Variants in AADACL2 observed in about 807,000 individuals in gnomAD.
The protein encoded by AADACL2 is arylacetamide deacetylase like 2.
Under a neutral mutation model 22.3 loss-of-function variants are expected in AADACL2, and 23 were observed. The observed-to-expected ratio is 1.03, with a 90% CI of 0.74 to 1.46. AADACL2 has a LOEUF of 1.46. AADACL2 is among the 40% of genes most tolerant of loss of function. AADACL2 has a pLI of 0.00. For synonymous variants in AADACL2, 177 were observed against 166.2 expected (o/e 1.07, Z -0.50); for missense variants, 472 against 482.9 (o/e 0.98, Z 0.21).
At chr3:151,748,534 T>A (rs1390768358) in intron 4 of AADACL2, among the ~76,000 whole-genome samples, 2 of 152,174 alleles carry the variant, frequency 1.3e-5, no homozygotes, top group Non-Finnish European at 2.9e-5. Flanking sequence ...GGAGGGTGGA[T>A]CCTTCGTGAA....
At chr3:151,747,683 C>T (rs958047051) in intron 4 of AADACL2, among the ~76,000 whole-genome samples, 3 of 151,114 alleles carry the variant, frequency 2.0e-5, no homozygotes, top group African/African-American at 4.9e-5. Flanking sequence ...TCCATTTATC[C>T]GGCTGACAAA....
At position 151,745,552 on chromosome 3, in the gene AADACL2, G is replaced by A. The variant is rs1262603861; in HGVS notation, c.475G>A (p.Asp159Asn). The A allele has an allele frequency of 1.2e-6, 2 of 1,613,888 alleles. No homozygotes were observed. Among genetic ancestry groups the A allele is most frequent in the South Asian group, 2.2e-5 (2 of 91,042 alleles). Reference protein sequence around the residue: ...PQHHFPAQFEDGLAAVKFFLL... With the variant: ...PQHHFPAQFENGLAAVKFFLL... ...ACACCACTTTCCTGCTCAGTTTGAA[G>A]ATGGCCTTGCTGCAGTCAAATTTTT... The change falls in exon 4 of 5, where the codon GAT (aspartate) becomes AAT (asparagine). Residue 159 changes from aspartate to asparagine, a missense_variant. Around this residue, in one of 3 missense-constraint regions of AADACL2, gnomAD observed 356 missense variants for 365.5 expected, o/e 0.97. Transcript: ENST00000356517.
At chr3:151,744,873 A>G (rs1713387808) in intron 3 of AADACL2, among the ~76,000 whole-genome samples, 1 of 152,146 alleles carries the variant, frequency 6.6e-6, no homozygotes, top group Non-Finnish European at 1.5e-5. Context: ...TTCCTGTCTT[A>G]CTGTTCTACA....
rs1421790987 is a variant in AADACL2, at chr3:151,734,014, A to G, written c.-22A>G. On this transcript the variant is annotated 5_prime_UTR_variant, in exon 1 of 5. Coordinates refer to ENST00000356517, the MANE Select transcript of AADACL2 (RefSeq NM_207365.4). ...AAAAATTTTAATCTCAGTACTGTGAAGAAGCTGGAAAAAGGGATATTATGG... is the reference window on the plus strand; with the variant it reads ...AAAAATTTTAATCTCAGTACTGTGAGGAAGCTGGAAAAAGGGATATTATGG... 6.3e-7 allele frequency: 1 copy of G among 1,588,030 alleles called. No individual in the cohort carries two copies. Among genetic ancestry groups the G allele is most frequent in the African/African-American group, 1.3e-5 (1 of 74,106 alleles).
rs116295447 is a variant in AADACL2 at position 151,740,051 on chromosome 3, T to A, written c.139-595T>A. ...GTCTCACTGGAGTTCCAAGCACCACTGGGGTACAAAAGAAACTCCTGCAGC... is the reference window on the plus strand; with the variant it reads ...GTCTCACTGGAGTTCCAAGCACCACAGGGGTACAAAAGAAACTCCTGCAGC... On this transcript the variant is annotated intron_variant, in intron 1 of 4. Coordinates refer to ENST00000356517, the MANE Select transcript of AADACL2 (RefSeq NM_207365.4). 5.0e-3 allele frequency among the ~76,000 whole-genome samples: 762 copies of A among 152,290 alleles called. 4 individuals are homozygous for A. Among genetic ancestry groups the A allele is most frequent in the African/African-American group, 0.018 (740 of 41,556 alleles).
rs1271313941 is a variant in AADACL2 at position 151,742,680 on chromosome 3, G to A, written c.362-1413G>A. Among the ~76,000 whole-genome samples, 19 of 152,082 alleles carry A rather than the reference G, an allele frequency of 1.2e-4. 1 individual carries two copies. Among genetic ancestry groups the A allele is most frequent in the Admixed American group, 1.2e-3 (19 of 15,260 alleles). On this transcript the variant is annotated intron_variant, in intron 2 of 4. Transcript: ENST00000356517. ...GGTCACACATCACTTTGTTCCCAGA[G>A]AAGGCAGCTCCAAACATCCTGTTTG...
In AADACL2 at chr3:151,760,662, G is replaced by A. The variant is rs1229139833; in HGVS notation, c.*3068G>A. ...CGCCACATCCTAAAGGAAATTTCTA[G>A]GTTTTTCTGCTGAAATATCCATTCC... On this transcript the variant is annotated 3_prime_UTR_variant, in exon 5 of 5. Coordinates refer to ENST00000356517, the MANE Select transcript of AADACL2 (RefSeq NM_207365.4). 6.6e-6 allele frequency: 1 copy of A among 152,224 alleles called. No individual in the cohort carries two copies. Among genetic ancestry groups the A allele is most frequent in the Non-Finnish European group, 1.5e-5 (1 of 68,002 alleles). The allele number at this position is 152,224 out of a possible 1,614,324, so 9.4% of individuals were successfully genotyped here. A position where few individuals can be genotyped will look rare whatever the true frequency, so the allele number is the denominator to read the frequency against.
At position 151,758,325 on chromosome 3, in the gene AADACL2, T is replaced by C. The variant is rs1472971199; in HGVS notation, c.*731T>C. 1 of 151,944 alleles carries C rather than the reference T, an allele frequency of 6.6e-6. No homozygotes were observed. The highest frequency in any genetic ancestry group is 1.5e-5 in the Non-Finnish European group (1 of 68,076). 9.4% of individuals were successfully genotyped at this position (151,944 alleles called of 1,614,324 possible). On this transcript the variant is annotated 3_prime_UTR_variant, in exon 5 of 5. Coordinates refer to ENST00000356517, the MANE Select transcript of AADACL2 (RefSeq NM_207365.4). ...TGCCTTCTTCTCTGCCTGTGTCTAA[T>C]CTCCCTATGGGCTTCTCTTAGAAAA...
chr3:151,738,935 T>C (rs1025804578), intron 1 of AADACL2, among the ~76,000 whole-genome samples: 1 of 152,196 alleles, frequency 6.6e-6, no homozygotes, highest in Non-Finnish European at 1.5e-5. Context: ...TGCATTGGGG[T>C]AGAACATGCT....
chr3:151,745,389 CTT>C (rs1713404722), intron 3 of AADACL2, 118 bp from the exon 4 acceptor site: 2 of 1,026,238 alleles, frequency 1.9e-6, no homozygotes, highest in Non-Finnish European at 2.9e-6. Flanking sequence ...TAGTAGAAAA[CTT>C]AGGCTTGATT....
At chr3:151,748,704 C>T (rs1470022620) in intron 4 of AADACL2, among the ~76,000 whole-genome samples, 1 of 152,142 alleles carries the variant, frequency 6.6e-6, no homozygotes, top group African/African-American at 2.4e-5. Flanking sequence ...ATGCAGATAC[C>T]CGGTTCTCTT....
At chr3:151,748,488 T>C (rs1205253697) in intron 4 of AADACL2, among the ~76,000 whole-genome samples, 2 of 152,222 alleles carry the variant, frequency 1.3e-5, no homozygotes, top group East Asian at 1.9e-4. Context: ...TGTGGCAGCA[T>C]TGAAAGACTG....
chr3:151,742,060 T>C (rs1713294304), intron 2 of AADACL2, among the ~76,000 whole-genome samples: 1 of 152,192 alleles, frequency 6.6e-6, no homozygotes, highest in Non-Finnish European at 1.5e-5. Context: ...AGATACTTTC[T>C]AATTTTCACC....
chr3:151,746,964 C>T (rs1405343476), intron 4 of AADACL2, among the ~76,000 whole-genome samples: 5 of 150,372 alleles, frequency 3.3e-5, no homozygotes, highest in South Asian at 2.1e-4. Flanking sequence ...AGTGCAGTGG[C>T]GCGATCTCAG....
rs760055575 is a variant in AADACL2 at position 151,745,667 on chromosome 3, C to T, written c.590C>T (p.Ala197Val). 16 of 1,609,222 alleles carry T rather than the reference C, an allele frequency of 9.9e-6. No homozygotes were observed. The highest frequency in any genetic ancestry group is 3.3e-5 in the South Asian group (3 of 89,876). ...GDSSGGNLAT[A>V]VTQQVQNDAE... Reference sequence around the variant, plus strand: ...AGTTCTGGGGGCAATTTAGCAACAGCGGTCACTCAACAGGTACATTATATT... The same window carrying T: ...AGTTCTGGGGGCAATTTAGCAACAGTGGTCACTCAACAGGTACATTATATT... The change falls in exon 4 of 5, where the codon GCG becomes GTG. Residue 197 changes from alanine to valine, a missense_variant. Ala to Val is a moderately conservative substitution (Grantham distance 64, BLOSUM62 0). Transcript: ENST00000356517.
chr3:151,745,656 T>C lies in AADACL2; in HGVS notation c.579T>C (p.Asn193=), dbSNP rs1327755985. The C allele has an allele frequency of 3.7e-6, 6 of 1,610,828 alleles. No individual in the cohort carries two copies. The African/African-American group carries it at 8.0e-5, about 22-fold the overall frequency. Residue 193 remains asparagine, a synonymous_variant, in exon 4 of 5, where the codon AAT becomes AAC. Coordinates refer to ENST00000356517, the MANE Select transcript of AADACL2 (RefSeq NM_207365.4). ...TTGCGGGAGACAGTTCTGGGGGCAATTTAGCAACAGCGGTCACTCAACAGG... is the reference window on the plus strand; with the variant it reads ...TTGCGGGAGACAGTTCTGGGGGCAACTTAGCAACAGCGGTCACTCAACAGG... The part of the protein sequence containing the change: ...ICIAGDSSGG[N]LATAVTQQVQ...
At chr3:151,739,026 G>T (rs1327071003) in intron 1 of AADACL2, among the ~76,000 whole-genome samples, 1 of 152,094 alleles carries the variant, frequency 6.6e-6, no homozygotes, top group East Asian at 1.9e-4. Flanking sequence ...CTCCATCCAG[G>T]TTTGTGCCCT....
chr3:151,752,406 CTTATTA>C (rs1385100986), intron 4 of AADACL2, among the ~76,000 whole-genome samples: 1 of 152,094 alleles, frequency 6.6e-6, no homozygotes, highest in Non-Finnish European at 1.5e-5. Context: ...CAATTGTATT[CTTATTA>C]TTGAGAAGAA....
Position 151,760,999 on chromosome 3 carries a change from G to C in AADACL2, c.*3405G>C, listed in dbSNP as rs1714122376. ...CTAATAATTTCATTTTAACCTGACTGTCTTTGTAAAGACCCTATCTGCAAA... is the reference window on the plus strand; with the variant it reads ...CTAATAATTTCATTTTAACCTGACTCTCTTTGTAAAGACCCTATCTGCAAA... On this transcript the variant is annotated 3_prime_UTR_variant, in exon 5 of 5. Coordinates refer to ENST00000356517, the MANE Select transcript of AADACL2 (RefSeq NM_207365.4). 6.6e-6 allele frequency: 1 copy of C among 151,512 alleles called. No individual in the cohort carries two copies. The highest frequency in any genetic ancestry group is 2.4e-5 in the African/African-American group (1 of 41,226). 9.4% of individuals were successfully genotyped at this position (151,512 alleles called of 1,614,324 possible).
Sources: allele counts gnomAD v4.1 joint callset (sites outside exome capture counted in the v4.1 genomes callset), GRCh38; gene constraint gnomAD v4.1.1; regional missense constraint gnomAD v4.1.1; transcripts MANE v1.5; gene names NCBI Gene and HGNC (gene_info 2026-07-23, HGNC 2026-07-21).